Variants in SRSF3 observed in about 807,000 individuals in gnomAD.
The protein encoded by SRSF3 is serine/arginine-rich splicing factor 3.
For missense variants in SRSF3, 58 were observed against 217.1 expected (o/e 0.27, Z 4.61); for synonymous variants, 87 against 73.6 (o/e 1.18, Z -0.93).
chr6:36,596,995 A>ATGTGTTGCT, intron 2 of SRSF3, 27 bp downstream of exon 2: 1 of 1,607,478 alleles, frequency 6.2e-7, no homozygotes, highest in African/African-American at 1.3e-5. Flanking sequence ...GCTGATAAAA[A>ATGTGTTGCT]TGTGTTGCTT....
Position 36,604,275 on chromosome 6 carries a change from A to G in SRSF3, c.*2286A>G, listed in dbSNP as rs550530746. ...TCACTGTTACTAATACTTGATGACA[A>G]TGTAAAGAAACATTAAGGATTATAT... On this transcript the variant is annotated 3_prime_UTR_variant, in exon 6 of 6. Coordinates refer to ENST00000373715, the MANE Select transcript of SRSF3 (RefSeq NM_003017.5). 10 of 214,476 alleles carry G rather than the reference A, an allele frequency of 4.7e-5. No individual in the cohort carries two copies. Among genetic ancestry groups the G allele is most frequent in the South Asian group, 1.9e-4 (1 of 5,360 alleles). The allele number at this position is 214,476 out of a possible 1,614,324, so 13.3% of individuals were successfully genotyped here.
chr6:36,598,842 C>T lies in SRSF3; in HGVS notation c.207-7C>T, dbSNP rs745558870. ...CTGTTTTAAGTTTAATATCTTTGCC[C>T]CCTCAGAACACTATGTGGCTGCCGT... is the stretch of plus-strand genomic sequence containing the variant. On this transcript the variant is annotated splice_region_variant and splice_polypyrimidine_tract_variant and intron_variant, in intron 2 of 5. Coordinates refer to ENST00000373715, the MANE Select transcript of SRSF3 (RefSeq NM_003017.5). 2 of 1,610,186 alleles carry T rather than the reference C, an allele frequency of 1.2e-6. No homozygotes were observed. Among genetic ancestry groups the T allele is most frequent in the Admixed American group, 1.7e-5 (1 of 59,190 alleles).
rs953802979 is a variant in SRSF3 at position 36,602,295 on chromosome 6, C to G, written c.*306C>G. 1 of 356,234 alleles carries G rather than the reference C, an allele frequency of 2.8e-6. No homozygotes were observed. The highest frequency in any genetic ancestry group is 2.1e-5 in the African/African-American group (1 of 47,588). 22.1% of individuals were successfully genotyped at this position (356,234 alleles called of 1,614,324 possible). A position where few individuals can be genotyped will look rare whatever the true frequency, so the allele number is the denominator to read the frequency against. ...ATAATAAACCTCTAAACCTGCCCAG[C>G]GGAAGTGTGTTTTTTTTTAAATTTA... On this transcript the variant is annotated 3_prime_UTR_variant, in exon 6 of 6. Coordinates refer to ENST00000373715, the MANE Select transcript of SRSF3 (RefSeq NM_003017.5).
At chr6:36,599,031 T>C (rs748149199) in intron 3 of SRSF3, 48 bp downstream of exon 3, 3 of 1,594,360 alleles carry the variant, frequency 1.9e-6, no homozygotes, top group Admixed American at 3.6e-5. Flanking sequence ...ATGGAGTAGC[T>C]AGTAGGAGCA....
intron 3 of SRSF3, chr6:36,599,404 A>G (rs1778682704): frequency 5.2e-6 from 1 of 190,602 alleles, no homozygotes; most frequent in Non-Finnish European, 1.1e-5. Context: ...CAACTGGTAA[A>G]GTAGAAATCA....
At position 36,603,221 on chromosome 6, in the gene SRSF3, T is replaced by G. The variant is rs533648025; in HGVS notation, c.*1232T>G. ...GCTTTTATCTTTAGCATGAAAACTTTCCACAGGTCTAAAAATTGCTTCCAT... is the reference window on the plus strand; with the variant it reads ...GCTTTTATCTTTAGCATGAAAACTTGCCACAGGTCTAAAAATTGCTTCCAT... On this transcript the variant is annotated 3_prime_UTR_variant, in exon 6 of 6. Transcript: ENST00000373715. 1.8e-5 allele frequency: 4 copies of G among 224,600 alleles called. No individual in the cohort carries two copies. The highest frequency in any genetic ancestry group is 2.7e-5 in the Non-Finnish European group (3 of 112,446). The allele number at this position is 224,600 out of a possible 1,614,324, so 13.9% of individuals were successfully genotyped here. A position where few individuals can be genotyped will look rare whatever the true frequency, so the allele number is the denominator to read the frequency against.
intron 2 of SRSF3, chr6:36,598,647 G>A: frequency 3.6e-6 from 2 of 556,408 alleles, no homozygotes; most frequent in Non-Finnish European, 6.2e-6. Context: ...CTCATAAAGT[G>A]TTGGGATTAC....
rs146972173 is a variant in SRSF3 at position 36,597,959 on chromosome 6, T to G, written c.207-890T>G. Among the ~76,000 whole-genome samples, 119 of 152,104 alleles carry G rather than the reference T, an allele frequency of 7.8e-4. 1 individual carries two copies. The highest frequency in any genetic ancestry group is 2.6e-3 in the African/African-American group (109 of 41,472). On this transcript the variant is annotated intron_variant, in intron 2 of 5. Transcript: ENST00000373715. ...ATCCTCCTGCCTCAGCCTCTCTGAG[T>G]GCTGGGATTACAGGCATGAGCCACC...
chr6:36,597,159 C>T, intron 2 of SRSF3, 191 bp downstream of exon 2: 2 of 586,748 alleles, frequency 3.4e-6, no homozygotes, highest in Non-Finnish European at 5.8e-6. Flanking sequence ...GGCTGGAGTG[C>T]AGTGGTACAG....
At position 36,601,153 on chromosome 6, in the gene SRSF3, T is replaced by A. The variant is rs1778709799; in HGVS notation, c.343T>A (p.Ser115Thr). The A allele has an allele frequency of 6.2e-7, 1 of 1,613,678 alleles. No homozygotes were observed. Among genetic ancestry groups the A allele is most frequent in the Non-Finnish European group, 8.5e-7 (1 of 1,179,902 alleles). Reference sequence around the variant, plus strand: ...TAATTTTCCTGTTTCTGCTTTTAGATCTCCAAGAAGGAGAAGCTTCTCTCG... The same window carrying A: ...TAATTTTCCTGTTTCTGCTTTTAGAACTCCAAGAAGGAGAAGCTTCTCTCG... Reference protein sequence around the residue: ...RRRSPPPRRRSPRRRSFSRSR... With the variant: ...RRRSPPPRRRTPRRRSFSRSR... The change falls in exon 4 of 6, where the codon TCT becomes ACT. Residue 115 changes from serine (S) to threonine (T), a missense_variant and splice_region_variant. Physicochemically the swap from Ser to Thr is moderately conservative, Grantham distance 58. Transcript: ENST00000373715.
intron 2 of SRSF3, 80 bp downstream of exon 2, chr6:36,597,048 A>T: frequency 1.0e-5 from 11 of 1,090,618 alleles, no homozygotes; most frequent in African/African-American, 1.6e-5. Context: ...TGGCTCTTAG[A>T]TGGCTTTCCC....
At chr6:36,601,519 T>A (rs1420912660) in intron 4 of SRSF3, 189 bp from the exon 5 acceptor site, 7 of 605,662 alleles carry the variant, frequency 1.2e-5, no homozygotes, top group East Asian at 5.5e-5. Context: ...GGCTAATTTA[T>A]TTTTTGTGGA....
intron 3 of SRSF3, 93 bp downstream of exon 3, chr6:36,599,076 CT>C (rs1778677251): frequency 2.0e-6 from 3 of 1,475,916 alleles, no homozygotes; most frequent in East Asian, 4.6e-5. Context: ...GGGTTTTAAA[CT>C]TTGGAAGAAT....
Position 36,603,508 on chromosome 6 carries a change from G to T in SRSF3, c.*1519G>T. 4.4e-6 allele frequency: 1 copy of T among 225,770 alleles called. No homozygotes were observed. Among genetic ancestry groups the T allele is most frequent in the East Asian group, 6.5e-5 (1 of 15,452 alleles). 14.0% of individuals were successfully genotyped at this position (225,770 alleles called of 1,614,324 possible). A position where few individuals can be genotyped will look rare whatever the true frequency, so the allele number is the denominator to read the frequency against. ...GGTATTGACTGTCTTAAATATGAAA[G>T]ATAAGTCATTGCATTAAGAGTTCAA... is the stretch of plus-strand genomic sequence containing the variant. On this transcript the variant is annotated 3_prime_UTR_variant, in exon 6 of 6. Transcript: ENST00000373715.
In SRSF3 at chr6:36,602,178, A is replaced by T. The variant is rs1778728895; in HGVS notation, c.*189A>T. 7.0e-6 allele frequency: 8 copies of T among 1,140,668 alleles called. No homozygotes were observed. The South Asian group carries it at 1.4e-4, about 20-fold the overall frequency. 70.7% of individuals were successfully genotyped at this position (1,140,668 alleles called of 1,614,324 possible). ...AATTCTCTATGGTTTGAAATGGATC[A>T]TACGAGGCATGTAATACCAAGAATT... On this transcript the variant is annotated 3_prime_UTR_variant, in exon 6 of 6. Transcript: ENST00000373715.
intron 2 of SRSF3, among the ~76,000 whole-genome samples, chr6:36,598,053 A>G (rs73408336): frequency 0.026 from 4,025 of 152,176 alleles, 61 homozygotes; most frequent in African/African-American, 0.039. Context: ...AAAATGGCCA[A>G]AATGGTTCTG....
intron 2 of SRSF3, among the ~76,000 whole-genome samples, chr6:36,598,127 T>C (rs1162266627): frequency 6.6e-6 from 1 of 152,164 alleles, no homozygotes; most frequent in Non-Finnish European, 1.5e-5. Flanking sequence ...TACAGCCTGG[T>C]AAATAACTGA....
Position 36,604,040 on chromosome 6 carries a change from A to G in SRSF3, c.*2051A>G, listed in dbSNP as rs1471626053. The G allele has an allele frequency of 4.4e-6, 1 of 229,626 alleles. No individual in the cohort carries two copies. The highest frequency in any genetic ancestry group is 8.6e-6 in the Non-Finnish European group (1 of 116,010). 14.2% of individuals were successfully genotyped at this position (229,626 alleles called of 1,614,324 possible). ...CCAGGAGCCCTAGCATAACCTCAAG[A>G]CTCTTAGAAACTTTAGAACATGGAA... is the stretch of plus-strand genomic sequence containing the variant. On this transcript the variant is annotated 3_prime_UTR_variant, in exon 6 of 6. Transcript: ENST00000373715.
At chr6:36,601,507 C>G in intron 4 of SRSF3, 1 of 586,302 alleles carries the variant, frequency 1.7e-6, no homozygotes, top group South Asian at 2.4e-5. Flanking sequence ...ACTGCCATAC[C>G]TGGCTAATTT....
Sources: gnomAD v4.1 joint callset for allele counts (sites outside exome capture counted in the v4.1 genomes callset) on GRCh38, gnomAD v4.1.1 for gene constraint, MANE v1.5 for transcripts, NCBI Gene and HGNC (gene_info 2026-07-23, HGNC 2026-07-21) for gene names.